FRMPD4: variants seen among roughly 807,000 people sequenced by gnomAD.
The protein encoded by FRMPD4 is FERM and PDZ domain-containing protein 4.
Under a neutral mutation model 94.1 loss-of-function variants are expected in FRMPD4, and 22 were observed. The observed-to-expected ratio is 0.23, with a 90% confidence interval of 0.17 to 0.33. The LOEUF is 0.33. FRMPD4 is among the 10% of genes least tolerant of loss of function. The pLI is 1.00. For synonymous variants in FRMPD4, 631 were observed against 548.6 expected (o/e 1.15, Z -2.10); for missense variants, 1,111 against 1,339.9 (o/e 0.83, Z 2.67).
intron 3 of FRMPD4, among the ~76,000 whole-genome samples, chrX:11,913,216 G>C (rs2054006112): frequency 8.9e-6 from 1 of 112,237 alleles, no homozygotes; most frequent in South Asian, 3.7e-4. Flanking sequence ...GCTTTTTGGT[G>C]AGTACAGTCA....
At chrX:12,364,378 G>A (rs2056042795) in intron 1 of FRMPD4, among the ~76,000 whole-genome samples, 1 of 111,423 alleles carries the variant, frequency 9.0e-6, no homozygotes, top group African/African-American at 3.3e-5. Flanking sequence ...TTCATGGGAA[G>A]GAACAGGTAA....
At chrX:12,250,040 C>G in intron 1 of FRMPD4, among the ~76,000 whole-genome samples, 3 of 70,661 alleles carry the variant, frequency 4.2e-5, no homozygotes, top group Middle Eastern at 5.9e-3. Context: ...CTCTCTCTCT[C>G]TCTCTCTCTG....
intron 1 of FRMPD4, among the ~76,000 whole-genome samples, chrX:12,471,872 C>G (rs746130940): frequency 8.0e-5 from 9 of 111,869 alleles, no homozygotes; most frequent in Non-Finnish European, 1.3e-4. Flanking sequence ...GTGAAGGGGT[C>G]AGAAAGTTCA....
At chrX:12,071,716 G>A (rs1278265223) in intron 3 of FRMPD4, among the ~76,000 whole-genome samples, 1 of 111,324 alleles carries the variant, frequency 9.0e-6, no homozygotes, top group Non-Finnish European at 1.9e-5. Flanking sequence ...GGCTGATATA[G>A]CCTGACAAGC....
intron 3 of FRMPD4, among the ~76,000 whole-genome samples, chrX:11,982,704 T>TA (rs1190141876): frequency 8.9e-5 from 10 of 112,050 alleles, no homozygotes; most frequent in African/African-American, 2.9e-4. Context: ...TATTAAGGTT[T>TA]AAAAAAATCT....
At chrX:12,339,498 A>G (rs2055576537) in intron 1 of FRMPD4, among the ~76,000 whole-genome samples, 1 of 112,496 alleles carries the variant, frequency 8.9e-6, no homozygotes. Flanking sequence ...TTGCCAGTTC[A>G]TTAATTTCAG....
intron 3 of FRMPD4, among the ~76,000 whole-genome samples, chrX:12,103,424 T>A (rs2055271290): frequency 8.9e-6 from 1 of 112,063 alleles, no homozygotes; most frequent in Non-Finnish European, 1.9e-5. Flanking sequence ...GAATTTTCTT[T>A]GGACTGACTA....
chrX:12,011,395 CTATT>C (rs779497082), intron 3 of FRMPD4, among the ~76,000 whole-genome samples: 1 of 112,189 alleles, frequency 8.9e-6, no homozygotes, highest in South Asian at 3.7e-4. Context: ...CCTCATGTGA[CTATT>C]TAAATTTAAA....
At chrX:11,823,057 T>G (rs2088698934) in intron 1 of FRMPD4, among the ~76,000 whole-genome samples, 1 of 110,902 alleles carries the variant, frequency 9.0e-6, no homozygotes, top group African/African-American at 3.3e-5. Context: ...AACTAATTAC[T>G]GAGGGAATTC....
intron 4 of FRMPD4, among the ~76,000 whole-genome samples, chrX:12,661,822 C>T (rs191094621): frequency 1.2e-4 from 13 of 111,831 alleles, no homozygotes; most frequent in Non-Finnish European, 1.5e-4. Context: ...CAAAGGTCAA[C>T]GAGATAAAGC....
At position 12,138,710 on chromosome X, in the gene FRMPD4, G is replaced by T; in HGVS notation, c.-262G>T. 1 of 304,505 alleles carries T rather than the reference G, an allele frequency of 3.3e-6. No individual in the cohort carries two copies. 25.1% of individuals were successfully genotyped at this position (304,505 alleles called of 1,213,427 possible). A position where few individuals can be genotyped will look rare whatever the true frequency, so the allele number is the denominator to read the frequency against. The stretch of plus-strand genomic sequence containing the variant: ...CGCCCCCGCCTCTTGCGCCCTGCCT[G>T]GCTCCCTCTCCATTGAGTTTTCCTG... On this transcript the variant is annotated 5_prime_UTR_variant, in exon 1 of 17. Coordinates refer to ENST00000675598, the MANE Select transcript of FRMPD4 (RefSeq NM_001368397.1).
At chrX:12,181,086 A>G (rs942406223) in intron 1 of FRMPD4, among the ~76,000 whole-genome samples, 1 of 111,625 alleles carries the variant, frequency 9.0e-6, no homozygotes, top group African/African-American at 3.3e-5. Context: ...GTTTGCATTC[A>G]ATCTGGATGT....
chrX:12,511,806 C>T (rs756085892), intron 2 of FRMPD4, among the ~76,000 whole-genome samples: 2 of 111,881 alleles, frequency 1.8e-5, no homozygotes, highest in African/African-American at 6.5e-5. Flanking sequence ...AGAACTACAA[C>T]CAAGATAAAT....
chrX:12,319,979 T>G (rs1203067354), intron 1 of FRMPD4, among the ~76,000 whole-genome samples: 2 of 112,228 alleles, frequency 1.8e-5, no homozygotes, highest in African/African-American at 3.2e-5. Context: ...ATTATTTCAG[T>G]AATAATCCTA....
chrX:12,350,613 A>G (rs1333582693), intron 1 of FRMPD4, among the ~76,000 whole-genome samples: 3 of 112,551 alleles, frequency 2.7e-5, no homozygotes, highest in Non-Finnish European at 3.7e-5. Context: ...CTACCCGGAT[A>G]TGAACTGAAT....
At position 12,603,044 on chromosome X, in the gene FRMPD4, G is replaced by C. The variant is rs1402358610; in HGVS notation, c.159-6677G>C. ...AAGTCAGTCTACCACACAGACCAGT[G>C]CTACCAAGATAAGAGCATATATTGA... On this transcript the variant is annotated intron_variant, in intron 2 of 16. Coordinates refer to ENST00000675598, the MANE Select transcript of FRMPD4 (RefSeq NM_001368397.1). 2.7e-5 allele frequency among the ~76,000 whole-genome samples: 3 copies of C among 112,004 alleles called. No homozygotes were observed. In the Admixed American group the frequency reaches 2.8e-4, roughly 11 times the overall value.
Position 12,247,838 on chromosome X carries a change from TGAGACTCAGG to T in FRMPD4, c.41+108831_41+108840del, listed in dbSNP as rs201811259. On this transcript the variant is annotated intron_variant, in intron 1 of 16. Coordinates refer to ENST00000675598, the MANE Select transcript of FRMPD4 (RefSeq NM_001368397.1). ...TAGGTAAGGTTATAAAAGCGGATATTGAGACTCAGGGAGATTAAATAATTTGAACAAGTTC... is the reference window on the plus strand; with the variant it reads ...TAGGTAAGGTTATAAAAGCGGATATTGAGATTAAATAATTTGAACAAGTTC... Among the ~76,000 whole-genome samples the T allele has an allele frequency of 8.8e-3, 985 of 112,371 alleles. 8 individuals are homozygous for T. The highest frequency in any genetic ancestry group is 0.029 in the African/African-American group (892 of 30,927).
At chrX:12,535,530 G>C (rs1369982921) in intron 2 of FRMPD4, among the ~76,000 whole-genome samples, 1 of 112,158 alleles carries the variant, frequency 8.9e-6, no homozygotes, top group African/African-American at 3.2e-5. Context: ...CAAATACCAA[G>C]GTTCAAATGT....
chrX:12,667,542 C>G (rs963365140), intron 4 of FRMPD4, among the ~76,000 whole-genome samples: 11 of 112,204 alleles, frequency 9.8e-5, no homozygotes, highest in South Asian at 3.7e-4. Context: ...TTTAAAGAAA[C>G]ATGTCAAACT....
Sources: allele counts gnomAD v4.1 joint callset (sites outside exome capture counted in the v4.1 genomes callset), GRCh38; gene constraint gnomAD v4.1.1; transcripts MANE v1.5; gene names NCBI Gene and HGNC (gene_info 2026-07-23, HGNC 2026-07-21).